ATPAF2: variants seen among roughly 807,000 people sequenced by gnomAD.
ATPAF2 encodes ATP12 homolog.
ATPAF2 carries 30 observed loss-of-function variants against 36.6 expected under a neutral mutation model. The ratio of observed to expected loss-of-function variants is 0.82; its 90% CI spans 0.61 to 1.11. The LOEUF (loss-of-function observed/expected upper bound fraction) is 1.11, where lower values mean the gene tolerates loss of function less well. Ranked by LOEUF, ATPAF2 falls within the 50% of genes most tolerant of loss-of-function variation. ATPAF2 has a pLI of 0.00. For missense variants in ATPAF2, 321 were observed against 372.3 expected (o/e 0.86, Z 1.13); for synonymous variants, 140 against 152.6 (o/e 0.92, Z 0.61).
chr17:18,035,936 G>A (rs946141509), intron 1 of ATPAF2, among the ~76,000 whole-genome samples: 2 of 152,176 alleles, frequency 1.3e-5, no homozygotes, highest in African/African-American at 4.8e-5. Flanking sequence ...ACTTCATCAG[G>A]CAGTTGCATT....
At chr17:18,019,821 T>C (rs981363288) in intron 7 of ATPAF2, among the ~76,000 whole-genome samples, 10 of 152,264 alleles carry the variant, frequency 6.6e-5, no homozygotes, top group African/African-American at 2.4e-4. Context: ...TTCCATACTT[T>C]CATTGTATAC....
intron 1 of ATPAF2, among the ~76,000 whole-genome samples, chr17:18,038,164 C>CT (rs1424452633): frequency 6.6e-6 from 1 of 152,222 alleles, no homozygotes; most frequent in Non-Finnish European, 1.5e-5. Context: ...ACCGTGCCTC[C>CT]TGCCTCCAGC....
Position 18,018,054 on chromosome 17 carries a change from CA to C in ATPAF2, c.*494del, listed in dbSNP as rs893625465. 8.5e-5 allele frequency: 15 copies of C among 176,708 alleles called. No individual in the cohort carries two copies. Among genetic ancestry groups the C allele is most frequent in the South Asian group, 2.5e-4 (2 of 8,082 alleles). The allele number at this position is 176,708 out of a possible 1,614,324, so 10.9% of individuals were successfully genotyped here. ...AAAGATTGTTTGATTAAAAGCCAGC[CA>C]AAAAAAAGCCTTCAGGCTGAGGCTG... On this transcript the variant is annotated 3_prime_UTR_variant, in exon 8 of 8. Transcript: ENST00000474627.
At chr17:18,020,678 CTT>C (rs748358852) in intron 7 of ATPAF2, 1,728 of 146,132 alleles carry the variant, frequency 0.012, 20 homozygotes, top group African/African-American at 0.038. Context: ...ATTATCTTAC[CTT>C]TTTTTTTTTT....
intron 5 of ATPAF2, among the ~76,000 whole-genome samples, chr17:18,023,074 A>G (rs1253433979): frequency 6.7e-6 from 1 of 148,902 alleles, no homozygotes; most frequent in South Asian, 2.1e-4. Flanking sequence ...GCTTGCAGTG[A>G]GCTGAGATCA....
chr17:18,028,957 C>G (rs1451443323), intron 1 of ATPAF2, among the ~76,000 whole-genome samples: 1 of 152,218 alleles, frequency 6.6e-6, no homozygotes, highest in Non-Finnish European at 1.5e-5. Flanking sequence ...CTCTCCCACC[C>G]TCCCCACCAC....
intron 1 of ATPAF2, among the ~76,000 whole-genome samples, chr17:18,036,307 G>A (rs2044702109): frequency 6.6e-6 from 1 of 152,176 alleles, no homozygotes; most frequent in Non-Finnish European, 1.5e-5. Context: ...CGGGCGCGGT[G>A]GCTCATGCCT....
intron 3 of ATPAF2, among the ~76,000 whole-genome samples, chr17:18,027,364 T>C (rs1193527699): frequency 2.0e-5 from 3 of 152,084 alleles, no homozygotes; most frequent in Non-Finnish European, 4.4e-5. Context: ...GCTGTGATGT[T>C]GGGAGGAGGC....
chr17:18,030,077 T>C (rs2044605390), intron 1 of ATPAF2, among the ~76,000 whole-genome samples: 2 of 150,650 alleles, frequency 1.3e-5, no homozygotes, highest in East Asian at 2.0e-4. Flanking sequence ...TCCCAGCACT[T>C]TGGGAGGCGG....
Position 18,021,236 on chromosome 17 carries a change from T to C in ATPAF2, c.619A>G (p.Ile207Val). ...TTGAGCTGGGCAGCTACAAACTCAA[T>C]CCCTGCAGGGACACAAGCCAAGTCA... is the stretch of plus-strand genomic sequence containing the variant. Reference protein sequence around the residue: ...ASYNTWALQGIEFVAAQLKSM... With the variant: ...ASYNTWALQGVEFVAAQLKSM... Residue 207 changes from isoleucine to valine, a missense_variant and splice_region_variant, in exon 7 of 8, where the codon ATT becomes GTT. Ile to Val is a conservative substitution (Grantham distance 29). Coordinates refer to ENST00000474627, the MANE Select transcript of ATPAF2 (RefSeq NM_145691.4). 2 of 1,611,464 alleles carry C rather than the reference T, an allele frequency of 1.2e-6. No homozygotes were observed. Among genetic ancestry groups the C allele is most frequent in the Non-Finnish European group, 1.7e-6 (2 of 1,179,074 alleles).
In ATPAF2 at chr17:18,039,009, C is replaced by T; in HGVS notation, c.5G>A (p.Trp2Ter). 2 of 1,602,778 alleles carry T rather than the reference C, an allele frequency of 1.2e-6. No individual in the cohort carries two copies. The highest frequency in any genetic ancestry group is 8.5e-7 in the Non-Finnish European group (1 of 1,174,544). The change falls in exon 1 of 8, where the codon TGG (tryptophan) becomes TAG (stop). Residue 2 changes from tryptophan to a stop codon, truncating the protein, a stop_gained. Coordinates refer to ENST00000474627, the MANE Select transcript of ATPAF2 (RefSeq NM_145691.4). LOFTEE classifies it high-confidence loss of function. This position sits in a 1 kb window ranked among gnomAD's most constrained non-coding sequence, Gnocchi z 5.3. The stretch of plus-strand genomic sequence containing the variant: ...GTCCCGCAGCCGGAGGCAGCTCCTC[C>T]ACATCGCGCCCGAGGGTCTGGGAAG... The part of the protein sequence containing the change: M[W>*]RSCLRLRDGG...
chr17:18,019,167 A>ACACACG (rs2044430439), intron 7 of ATPAF2, among the ~76,000 whole-genome samples: 4 of 151,158 alleles, frequency 2.6e-5, no homozygotes, highest in African/African-American at 9.7e-5. Flanking sequence ...ACACACACAC[A>ACACACG]CACACACACA....
chr17:18,027,893 C>A, intron 3 of ATPAF2: 1 of 358,878 alleles, frequency 2.8e-6, no homozygotes, highest in South Asian at 2.6e-5. Context: ...AATGTGCAAA[C>A]ATAAAACAAT....
At chr17:18,029,890 A>G (rs1310026271) in intron 1 of ATPAF2, among the ~76,000 whole-genome samples, 1 of 150,184 alleles carries the variant, frequency 6.7e-6, no homozygotes, top group East Asian at 1.9e-4. Flanking sequence ...AAAAAAAAAA[A>G]AAAAAAAAAA....
chr17:18,026,203 A>C (rs1178596295), intron 4 of ATPAF2, 116 bp downstream of exon 4: 13 of 1,048,706 alleles, frequency 1.2e-5, no homozygotes, highest in Non-Finnish European at 1.8e-5. Context: ...CAAGTGGGCC[A>C]CCTTCCTTGT....
intron 1 of ATPAF2, among the ~76,000 whole-genome samples, chr17:18,031,918 C>T (rs2044641916): frequency 6.6e-6 from 1 of 152,136 alleles, no homozygotes; most frequent in Admixed American, 6.5e-5. Context: ...TTTACAGCAC[C>T]CTACTGCTTT....
chr17:18,034,669 G>A lies in ATPAF2; in HGVS notation c.133+4212C>T, dbSNP rs569757627. On this transcript the variant is annotated intron_variant, in intron 1 of 7. Transcript: ENST00000474627. Reference sequence around the variant, plus strand: ...GCACAGCCACCTTGAAAAACAGTCTGGCAGATCCTCCAAAAGTTAAACAGA... The same window carrying A: ...GCACAGCCACCTTGAAAAACAGTCTAGCAGATCCTCCAAAAGTTAAACAGA... 2.0e-5 allele frequency among the ~76,000 whole-genome samples: 3 copies of A among 152,300 alleles called. No individual in the cohort carries two copies. In the East Asian group the frequency reaches 5.8e-4, roughly 29 times the overall value.
chr17:18,028,439 A>T, intron 2 of ATPAF2, 62 bp from the exon 3 acceptor site: 1 of 1,599,874 alleles, frequency 6.3e-7, no homozygotes, highest in South Asian at 1.1e-5. Context: ...GACCATTCCT[A>T]TATTTAGCCA....
intron 1 of ATPAF2, among the ~76,000 whole-genome samples, chr17:18,032,684 C>A (rs1228162299): frequency 6.6e-6 from 1 of 152,152 alleles, no homozygotes; most frequent in Non-Finnish European, 1.5e-5. Context: ...TCTGCACTCT[C>A]CAGCCATTTA....
Sources: allele counts gnomAD v4.1 joint callset (sites outside exome capture counted in the v4.1 genomes callset), GRCh38; gene constraint gnomAD v4.1.1; non-coding constraint Gnocchi (gnomAD v3.1); transcripts MANE v1.5; gene names NCBI Gene and HGNC (gene_info 2026-07-23, HGNC 2026-07-21).